The following PKP4 variants were observed in gnomAD, a reference collection of about 807,000 sequenced individuals.
The protein encoded by PKP4 is plakophilin 4.
Under a neutral mutation model 145.1 loss-of-function variants are expected in PKP4, and 90 were observed. The observed-to-expected ratio is 0.62, with a 90% CI of 0.52 to 0.74. The LOEUF (loss-of-function observed/expected upper bound fraction) is 0.74. Among genes scored for constraint, PKP4 ranks in the 30% least tolerant of loss-of-function variants. PKP4 has a pLI of 0.00. For missense variants in PKP4, 1,340 were observed against 1,482.7 expected (o/e 0.90, Z 1.58); for synonymous variants, 563 against 577.2 (o/e 0.98, Z 0.35).
chr2:158,480,360 C>T (rs953207608), intron 1 of PKP4, among the ~76,000 whole-genome samples: 1 of 152,132 alleles, frequency 6.6e-6, no homozygotes. Flanking sequence ...CCATAGCCTC[C>T]CAAGTAGCTG....
At chr2:158,614,825 TA>T (rs1325425686) in intron 4 of PKP4, among the ~76,000 whole-genome samples, 27 of 152,234 alleles carry the variant, frequency 1.8e-4, no homozygotes, top group African/African-American at 6.0e-4. Flanking sequence ...CTATCTAAAA[TA>T]AAATAGAAAT....
chr2:158,496,307 A>G (rs1695705652), intron 1 of PKP4, among the ~76,000 whole-genome samples: 2 of 152,212 alleles, frequency 1.3e-5, no homozygotes. Context: ...AGAAATTTAA[A>G]TAAACATTTG....
At chr2:158,549,327 G>C (rs1201060682) in intron 2 of PKP4, 3 of 152,134 alleles carry the variant, frequency 2.0e-5, no homozygotes, top group African/African-American at 7.2e-5. Flanking sequence ...TACAGGGGTG[G>C]ATCATATTTT....
chr2:158,552,259 C>T (rs1252379559), intron 2 of PKP4, among the ~76,000 whole-genome samples: 1 of 152,196 alleles, frequency 6.6e-6, no homozygotes, highest in Non-Finnish European at 1.5e-5. Flanking sequence ...ATGAGTACGT[C>T]CCAGCTTACA....
chr2:158,607,894 T>G (rs2050785472), intron 4 of PKP4, among the ~76,000 whole-genome samples: 2 of 152,212 alleles, frequency 1.3e-5, no homozygotes, highest in Non-Finnish European at 2.9e-5. Flanking sequence ...TCCCCGTTGC[T>G]TAAGTCATTT....
At chr2:158,567,112 T>TTTG (rs199618417) in intron 2 of PKP4, among the ~76,000 whole-genome samples, 1 of 151,880 alleles carries the variant, frequency 6.6e-6, no homozygotes. Context: ...GTTTTCTGGG[T>TTTG]TTGTTGTTGT....
In PKP4 at chr2:158,663,045, G is replaced by A. The variant is rs894659820; in HGVS notation, c.2360G>A (p.Gly787Glu). 1 of 1,612,438 alleles carries A rather than the reference G, an allele frequency of 6.2e-7. No individual in the cohort carries two copies. The highest frequency in any genetic ancestry group is 8.5e-7 in the Non-Finnish European group (1 of 1,179,612). ...PSKDSEPSCWGKKKKKKKRTP... is the reference protein window; with the variant it reads ...PSKDSEPSCWEKKKKKKKRTP... ...AAAGACTCTGAGCCAAGTTGCTGGG[G>A]GAAGAAGAAGAAAAAGAAAAAGAGG... Residue 787 changes from glycine to glutamate, a missense_variant, in exon 14 of 22, where the codon GGG (glycine) becomes GAG (glutamate). By Grantham distance (98) the Gly-to-Glu change is moderately conservative (BLOSUM62 -2). Transcript: ENST00000389759.
intron 2 of PKP4, among the ~76,000 whole-genome samples, chr2:158,558,937 G>A (rs1416791252): frequency 6.6e-6 from 1 of 152,164 alleles, no homozygotes; most frequent in East Asian, 1.9e-4. Flanking sequence ...TGCCTCCTGA[G>A]TGAATGGGAG....
intron 11 of PKP4, among the ~76,000 whole-genome samples, chr2:158,645,131 G>A (rs753382501): frequency 4.6e-5 from 7 of 152,146 alleles, no homozygotes; most frequent in Admixed American, 2.0e-4. Context: ...TAGAATATAC[G>A]TTACAAATAA....
chr2:158,529,607 C>T (rs750726049), intron 1 of PKP4, among the ~76,000 whole-genome samples: 3 of 152,174 alleles, frequency 2.0e-5, no homozygotes, highest in Non-Finnish European at 2.9e-5. Context: ...CTCACTTAAA[C>T]GCCCTTCCTA....
At chr2:158,578,250 A>G in intron 3 of PKP4, 1 of 209,632 alleles carries the variant, frequency 4.8e-6, no homozygotes, top group Non-Finnish European at 1.1e-5. Flanking sequence ...TATGAACATT[A>G]AACTATTGGG....
intron 4 of PKP4, among the ~76,000 whole-genome samples, chr2:158,618,004 G>A (rs1384123313): frequency 6.6e-6 from 1 of 152,134 alleles, no homozygotes; most frequent in African/African-American, 2.4e-5. Context: ...CCAACGTGGT[G>A]AAACCCCATC....
chr2:158,627,446 C>A (rs2052906698), intron 7 of PKP4, among the ~76,000 whole-genome samples: 1 of 151,976 alleles, frequency 6.6e-6, no homozygotes, highest in Non-Finnish European at 1.5e-5. Context: ...GACTTTATGT[C>A]TTGGGGGGAA....
At chr2:158,664,642 C>G (rs1010088573) in intron 15 of PKP4, among the ~76,000 whole-genome samples, 6 of 152,122 alleles carry the variant, frequency 3.9e-5, no homozygotes, top group Non-Finnish European at 8.8e-5. Context: ...GAATATAGAG[C>G]GATAACTATG....
chr2:158,529,013 T>G (rs1391259181), intron 1 of PKP4, among the ~76,000 whole-genome samples: 1 of 152,224 alleles, frequency 6.6e-6, no homozygotes, highest in Non-Finnish European at 1.5e-5. Flanking sequence ...GTTTCCTGTC[T>G]CTGCCACACA....
chr2:158,623,087 T>C (rs1019128224), intron 6 of PKP4, among the ~76,000 whole-genome samples: 3 of 152,232 alleles, frequency 2.0e-5, no homozygotes, highest in Non-Finnish European at 2.9e-5. Flanking sequence ...GACCAACTTA[T>C]CACTTCATTT....
intron 2 of PKP4, among the ~76,000 whole-genome samples, chr2:158,547,417 G>A (rs1009447643): frequency 1.8e-4 from 28 of 152,138 alleles, no homozygotes; most frequent in African/African-American, 6.5e-4. Flanking sequence ...AAAAGAGTAC[G>A]TACTGATTTA....
chr2:158,576,847 T>C (rs1372346119), intron 2 of PKP4, among the ~76,000 whole-genome samples: 1 of 152,110 alleles, frequency 6.6e-6, no homozygotes, highest in African/African-American at 2.4e-5. Context: ...GTGATTCTGA[T>C]CACGGGGATT....
chr2:158,483,293 C>T (rs1195476025), intron 1 of PKP4, among the ~76,000 whole-genome samples: 1 of 150,212 alleles, frequency 6.7e-6, no homozygotes, highest in Non-Finnish European at 1.5e-5. Context: ...ATTTCTAATG[C>T]TTTTCTGGGA....
Sources: allele counts gnomAD v4.1 joint callset (sites outside exome capture counted in the v4.1 genomes callset), GRCh38; gene constraint gnomAD v4.1.1; transcripts MANE v1.5; gene names NCBI Gene and HGNC (gene_info 2026-07-23, HGNC 2026-07-21).